DYNC2H1: variants seen among roughly 807,000 people sequenced by gnomAD.
DYNC2H1 encodes the protein cytoplasmic dynein 2 heavy chain 1.
DYNC2H1 carries 410 observed loss-of-function variants against 570.0 expected under a neutral mutation model. That is an observed-to-expected ratio of 0.72 (90% CI 0.66 to 0.78). DYNC2H1 has a LOEUF of 0.78. Ranked by LOEUF, DYNC2H1 falls within the 30% of genes least tolerant of loss-of-function variation. The pLI is 0.00. For missense variants in DYNC2H1, 4,865 were observed against 5,046.4 expected (o/e 0.96, Z 1.09); for synonymous variants, 1,688 against 1,677.6 (o/e 1.01, Z -0.15).
chr11:103,471,890 A>G (rs1252333797), intron 88 of DYNC2H1, among the ~76,000 whole-genome samples: 1 of 152,182 alleles, frequency 6.6e-6, no homozygotes, highest in Non-Finnish European at 1.5e-5. Context: ...CAACTCTACC[A>G]TGTGTGAACA....
chr11:103,474,329 T>C (rs111326697), intron 88 of DYNC2H1, among the ~76,000 whole-genome samples: 226 of 152,296 alleles, frequency 1.5e-3, no homozygotes, highest in African/African-American at 5.2e-3. Context: ...TTTCCTCTTC[T>C]AAAAAAGAAC....
chr11:103,147,936 G>A (rs1860329304), intron 19 of DYNC2H1, 49 bp downstream of exon 19: 2 of 1,261,300 alleles, frequency 1.6e-6, no homozygotes, highest in African/African-American at 1.5e-5. Context: ...ATATGTAGAA[G>A]CATGTACTTT....
At chr11:103,257,837 T>G in intron 69 of DYNC2H1, 86 bp downstream of exon 69, 4 of 1,235,628 alleles carry the variant, frequency 3.2e-6, no homozygotes, top group Non-Finnish European at 3.1e-6. Context: ...TAAAAATTAT[T>G]AAGCAAACTT....
intron 79 of DYNC2H1, among the ~76,000 whole-genome samples, chr11:103,314,379 A>G (rs1937689046): frequency 6.6e-6 from 1 of 152,062 alleles, no homozygotes; most frequent in South Asian, 2.1e-4. Context: ...TTAATGCCTA[A>G]CTTAAAAATA....
At chr11:103,386,278 C>T (rs190944672) in intron 83 of DYNC2H1, among the ~76,000 whole-genome samples, 259 of 152,174 alleles carry the variant, frequency 1.7e-3, no homozygotes, top group Admixed American at 4.8e-3. Flanking sequence ...TTGTAGACTT[C>T]CTTTTTTTGT....
Position 103,109,638 on chromosome 11 carries a change from G to A in DYNC2H1, c.64G>A (p.Gly22Arg). 6.2e-7 allele frequency: 1 copy of A among 1,613,870 alleles called. No individual in the cohort carries two copies. The highest frequency in any genetic ancestry group is 8.5e-7 in the Non-Finnish European group (1 of 1,179,882). ...FIFTTTQNYF[G>R]LMSELWDQPL... The stretch of plus-strand genomic sequence containing the variant: ...CTTCACTACTACCCAGAATTACTTC[G>A]GGTTGATGTCTGAACTCTGGGATCA... Residue 22 changes from glycine to arginine, a missense_variant, in exon 1 of 89, where the codon GGG (glycine) becomes AGG (arginine). Physicochemically the swap from Gly to Arg is moderately radical, Grantham distance 125. Around this residue, in one of 5 missense-constraint regions of DYNC2H1, gnomAD observed 1,936 missense variants for 1,962.1 expected, o/e 0.99. Coordinates refer to ENST00000375735, the MANE Select transcript of DYNC2H1 (RefSeq NM_001377.3).
At position 103,204,973 on chromosome 11, in the gene DYNC2H1, A is replaced by G; in HGVS notation, c.8454+9A>G. 6.5e-7 allele frequency: 1 copy of G among 1,542,412 alleles called. No homozygotes were observed. Among genetic ancestry groups the G allele is most frequent in the Non-Finnish European group, 8.7e-7 (1 of 1,146,752 alleles). ...ATAGCAGTATGAAGAAAGTAAGTTT[A>G]ACAAATATTAAAAAATTTAAAAGCA... On this transcript the variant is annotated intron_variant, in intron 52 of 88. Transcript: ENST00000375735. The surrounding 1 kb of genome is among the most constrained non-coding windows in gnomAD (Gnocchi z 4.1).
chr11:103,134,124 G>C (rs1360589175), intron 14 of DYNC2H1, among the ~76,000 whole-genome samples, 197 bp from the exon 15 acceptor site: 1 of 152,100 alleles, frequency 6.6e-6, no homozygotes, highest in Non-Finnish European at 1.5e-5. Context: ...TTAGATTGGG[G>C]CTATCTTATT....
Position 103,145,473 on chromosome 11 carries a change from C to G in DYNC2H1, c.2702+2078C>G. On this transcript the variant is annotated intron_variant, in intron 18 of 88. Transcript: ENST00000375735. The surrounding 1 kb of genome is among the most constrained non-coding windows in gnomAD (Gnocchi z 4.2). ...TCTTTGACTTAATGCTGTCACCTGACTGCCTAAGAACCTCTACTGCTTCCT... is the reference window on the plus strand; with the variant it reads ...TCTTTGACTTAATGCTGTCACCTGAGTGCCTAAGAACCTCTACTGCTTCCT... Among the ~76,000 whole-genome samples the G allele has an allele frequency of 6.6e-6, 1 of 152,156 alleles. No homozygotes were observed. The highest frequency in any genetic ancestry group is 2.4e-5 in the African/African-American group (1 of 41,442).
rs546461836 is a variant in DYNC2H1 at position 103,270,330 on chromosome 11, T to C, written c.10696-10018T>C. On this transcript the variant is annotated intron_variant, in intron 70 of 88. Coordinates refer to ENST00000375735, the MANE Select transcript of DYNC2H1 (RefSeq NM_001377.3). The stretch of plus-strand genomic sequence containing the variant: ...CCGCATGGGTGCCTAGGACTGTAGA[T>C]AGTACCAAACCCTATAGGAAAAAAC... 4.6e-5 allele frequency among the ~76,000 whole-genome samples: 7 copies of C among 152,192 alleles called. No homozygotes were observed. The South Asian group carries it at 1.5e-3, about 32-fold the overall frequency.
chr11:103,340,988 A>G (rs1191230515), intron 82 of DYNC2H1, among the ~76,000 whole-genome samples: 2 of 152,150 alleles, frequency 1.3e-5, no homozygotes, highest in African/African-American at 2.4e-5. Flanking sequence ...GGCATTAAGT[A>G]TATAAAATCA....
chr11:103,198,822 C>A (rs986203114), intron 48 of DYNC2H1, among the ~76,000 whole-genome samples: 1 of 152,098 alleles, frequency 6.6e-6, no homozygotes, highest in Admixed American at 6.6e-5. Context: ...TGCGAAAGAA[C>A]AAACATTCAC....
intron 73 of DYNC2H1, among the ~76,000 whole-genome samples, chr11:103,283,313 C>G (rs1866217792): frequency 1.3e-5 from 2 of 152,102 alleles, no homozygotes; most frequent in Non-Finnish European, 2.9e-5. Context: ...TTTTCTTTCT[C>G]TCCCTTCCCA....
Position 103,380,056 on chromosome 11 carries a change from A to C in DYNC2H1, c.12157-19607A>C, listed in dbSNP as rs188072851. ...CAGTTTATCATTTTTATCAGGTTAT[A>C]GTTAATTACTAGCTAAACTTAATAG... On this transcript the variant is annotated intron_variant, in intron 83 of 88. Coordinates refer to ENST00000375735, the MANE Select transcript of DYNC2H1 (RefSeq NM_001377.3). Among the ~76,000 whole-genome samples, 250 of 152,370 alleles carry C rather than the reference A, an allele frequency of 1.6e-3. 2 individuals carry two copies. Among genetic ancestry groups the C allele is most frequent in the African/African-American group, 5.6e-3 (234 of 41,584 alleles).
chr11:103,328,515 AT>A (rs1337820122), intron 82 of DYNC2H1, among the ~76,000 whole-genome samples: 1 of 152,220 alleles, frequency 6.6e-6, no homozygotes, highest in Non-Finnish European at 1.5e-5. Context: ...AGAAAACATT[AT>A]TTATCATGCA....
rs1448160875 is a variant in DYNC2H1 at position 103,239,499 on chromosome 11, A to G, written c.9819+2960A>G. 6.6e-6 allele frequency among the ~76,000 whole-genome samples: 1 copy of G among 152,122 alleles called. No individual in the cohort carries two copies. The highest frequency in any genetic ancestry group is 1.5e-5 in the Non-Finnish European group (1 of 68,014). ...TTCTCAAATCAACCCAATCTGTTAG[A>G]TTCATGTGTTATCCCTTTTATAGAT... On this transcript the variant is annotated intron_variant, in intron 63 of 88. Transcript: ENST00000375735. This position sits in a 1 kb window ranked among gnomAD's most constrained non-coding sequence, Gnocchi z 4.3.
intron 29 of DYNC2H1, among the ~76,000 whole-genome samples, chr11:103,162,098 G>T (rs964968769): frequency 7.9e-5 from 12 of 152,168 alleles, no homozygotes; most frequent in African/African-American, 2.9e-4. Flanking sequence ...ATACACAGAG[G>T]GACAGAGCTT....
chr11:103,152,955 AG>A (rs1454656685), intron 21 of DYNC2H1, among the ~76,000 whole-genome samples: 3 of 152,166 alleles, frequency 2.0e-5, no homozygotes, highest in African/African-American at 7.2e-5. Flanking sequence ...TCCTTAATTT[AG>A]CAGCTATATA....
intron 47 of DYNC2H1, among the ~76,000 whole-genome samples, chr11:103,194,181 C>T (rs779693727): frequency 4.1e-4 from 62 of 151,510 alleles, no homozygotes; most frequent in Non-Finnish European, 7.5e-4. Flanking sequence ...TTAATTTTGT[C>T]ACTTCAAGAA....
Sources: gnomAD v4.1 joint callset for allele counts (sites outside exome capture counted in the v4.1 genomes callset) on GRCh38, gnomAD v4.1.1 for gene constraint, gnomAD v4.1.1 regional missense constraint, Gnocchi (gnomAD v3.1) non-coding constraint, MANE v1.5 for transcripts, NCBI Gene and HGNC (gene_info 2026-07-23, HGNC 2026-07-21) for gene names.